The following MAPKAP1 variants were observed in gnomAD, a reference collection of about 807,000 sequenced individuals.
MAPKAP1 encodes the protein target of rapamycin complex 2 subunit MAPKAP1.
A neutral mutation model predicts 65.7 loss-of-function variants in MAPKAP1; 20 were observed. The ratio of observed to expected loss-of-function variants is 0.30; its 90% CI spans 0.21 to 0.44. MAPKAP1 has a LOEUF of 0.44. Ranked by LOEUF, MAPKAP1 falls within the 20% of genes least tolerant of loss-of-function variation. The pLI, the probability that MAPKAP1 is intolerant of heterozygous loss-of-function variation, is 1.00. For missense variants in MAPKAP1, 423 were observed against 648.0 expected, an observed-to-expected ratio of 0.65 and a Z score of 3.77; for synonymous variants, 222 against 244.3, an observed-to-expected ratio of 0.91 and a Z score of 0.85.
intron 4 of MAPKAP1, among the ~76,000 whole-genome samples, chr9:125,606,234 C>T (rs940145640): frequency 2.0e-5 from 3 of 150,258 alleles, no homozygotes; most frequent in East Asian, 1.9e-4. Flanking sequence ...CATAGGGAGG[C>T]GGGGGGAAGA....
intron 4 of MAPKAP1, among the ~76,000 whole-genome samples, chr9:125,608,297 C>A (rs1397105170): frequency 6.6e-6 from 1 of 152,166 alleles, no homozygotes; most frequent in African/African-American, 2.4e-5. Flanking sequence ...TTAGTCTGAT[C>A]ATTTATTTAT....
chr9:125,569,823 G>A (rs1274905320), intron 5 of MAPKAP1, among the ~76,000 whole-genome samples: 1 of 152,176 alleles, frequency 6.6e-6, no homozygotes, highest in African/African-American at 2.4e-5. Flanking sequence ...TGTGTGTAAT[G>A]CTTATATAAA....
chr9:125,543,122 C>A lies in MAPKAP1; in HGVS notation c.895G>T (p.Val299Phe). The A allele has an allele frequency of 1.9e-6, 3 of 1,614,042 alleles. No homozygotes were observed. Among genetic ancestry groups the A allele is most frequent in the Non-Finnish European group, 1.7e-6 (2 of 1,179,884 alleles). The change falls in exon 7 of 12, where the codon GTT (valine) becomes TTT (phenylalanine). Residue 299 changes from valine to phenylalanine, a missense_variant. Physicochemically the swap from Val to Phe is conservative, Grantham distance 50. Coordinates refer to ENST00000265960, the MANE Select transcript of MAPKAP1 (RefSeq NM_001006617.3). ...FSLIQVDNTK[V>F]TMKEILLKAV... ...TTCAGTAAGATTTCCTTCATGGTAA[C>A]CTTTGTGTTGTCCACCTGAATAAGG...
intron 6 of MAPKAP1, among the ~76,000 whole-genome samples, chr9:125,547,715 T>C (rs1010387443): frequency 6.6e-6 from 1 of 152,152 alleles, no homozygotes; most frequent in Non-Finnish European, 1.5e-5. Flanking sequence ...CATTAAAATG[T>C]GTGATTTGTT....
rs2150187 is a variant in MAPKAP1, at chr9:125,626,887, C to T, written c.498+30764G>A. On this transcript the variant is annotated intron_variant, in intron 4 of 11. Coordinates refer to ENST00000265960, the MANE Select transcript of MAPKAP1 (RefSeq NM_001006617.3). ...TAGAAGATTTATGATGTGTCAGCCA[C>T]TATGCAAGAGGCTTATGTATCTAAT... 7.8e-3 allele frequency among the ~76,000 whole-genome samples: 1,183 copies of T among 152,300 alleles called. 61 individuals are homozygous for T. Among genetic ancestry groups the T allele is most frequent in the Admixed American group, 0.07 (1,071 of 15,300 alleles).
chr9:125,588,768 G>A (rs371955348), intron 4 of MAPKAP1, among the ~76,000 whole-genome samples: 6 of 151,956 alleles, frequency 3.9e-5, no homozygotes, highest in African/African-American at 1.2e-4. Context: ...AAATTCCTTC[G>A]ATGAGTGGCT....
chr9:125,465,027 C>A (rs1350239806), intron 10 of MAPKAP1, among the ~76,000 whole-genome samples: 1 of 152,194 alleles, frequency 6.6e-6, no homozygotes, highest in Non-Finnish European at 1.5e-5. Context: ...CACTTAATGT[C>A]TTTTTGTAAA....
intron 9 of MAPKAP1, among the ~76,000 whole-genome samples, chr9:125,481,408 T>C (rs776474054): frequency 9.2e-5 from 14 of 152,156 alleles, no homozygotes; most frequent in Non-Finnish European, 2.1e-4. Context: ...TTGACCACAG[T>C]TGGGCTACTT....
At chr9:125,517,963 T>C (rs1300369189) in intron 7 of MAPKAP1, among the ~76,000 whole-genome samples, 2 of 152,148 alleles carry the variant, frequency 1.3e-5, no homozygotes, top group Non-Finnish European at 2.9e-5. Flanking sequence ...GGTGGGAGGC[T>C]TTCAAAAAAA....
intron 1 of MAPKAP1, among the ~76,000 whole-genome samples, chr9:125,677,698 A>G (rs760231074): frequency 1.3e-5 from 2 of 152,060 alleles, no homozygotes; most frequent in African/African-American, 2.4e-5. Flanking sequence ...TGTCTCAAAA[A>G]TAATAATAAT....
intron 4 of MAPKAP1, among the ~76,000 whole-genome samples, chr9:125,651,104 T>G (rs1295947157): frequency 6.6e-6 from 1 of 151,924 alleles, no homozygotes; most frequent in African/African-American, 2.4e-5. Context: ...CATGCTGGGG[T>G]TACAGGCATG....
At chr9:125,486,782 C>G (rs1283855857) in intron 8 of MAPKAP1, among the ~76,000 whole-genome samples, 2 of 152,054 alleles carry the variant, frequency 1.3e-5, no homozygotes, top group African/African-American at 4.8e-5. Flanking sequence ...GTCCTCTCTG[C>G]CCAGGTCACC....
In MAPKAP1 at chr9:125,444,491, G is replaced by T. The variant is rs747793582; in HGVS notation, c.1443+10C>A. 1.9e-6 allele frequency: 3 copies of T among 1,601,738 alleles called. No homozygotes were observed. Among genetic ancestry groups the T allele is most frequent in the Admixed American group, 1.7e-5 (1 of 59,440 alleles). ...CCTACCCTGTCTCTGGTTCAAGAAG[G>T]AATACTCACCTTGAGCACAATTTCA... is the stretch of plus-strand genomic sequence containing the variant. On this transcript the variant is annotated intron_variant, in intron 11 of 11. Transcript: ENST00000265960.
intron 8 of MAPKAP1, among the ~76,000 whole-genome samples, chr9:125,498,272 G>C (rs1035804372): frequency 2.8e-4 from 42 of 152,166 alleles, no homozygotes; most frequent in Non-Finnish European, 4.1e-4. Context: ...AGCATATAAA[G>C]ACAATTGTAA....
chr9:125,698,217 GTA>G (rs934250669), intron 1 of MAPKAP1, among the ~76,000 whole-genome samples: 8 of 134,334 alleles, frequency 6.0e-5, no homozygotes, highest in Middle Eastern at 4.2e-3. Context: ...ATATGTGTGT[GTA>G]TATATATATT....
chr9:125,463,125 G>A (rs917281450), intron 10 of MAPKAP1, among the ~76,000 whole-genome samples: 25 of 152,160 alleles, frequency 1.6e-4, no homozygotes, highest in African/African-American at 5.5e-4. Context: ...ATGCAGAACC[G>A]CTCGATAGCA....
intron 6 of MAPKAP1, among the ~76,000 whole-genome samples, chr9:125,550,613 G>A (rs75845520): frequency 2.0e-5 from 3 of 152,292 alleles, no homozygotes; most frequent in East Asian, 3.9e-4. Context: ...TGTAATTAAT[G>A]CTTTCCATCT....
Position 125,484,386 on chromosome 9 carries a change from A to G in MAPKAP1, c.1207+57T>C, listed in dbSNP as rs1854420818. On this transcript the variant is annotated intron_variant, in intron 9 of 11. Transcript: ENST00000265960. ...AAAGTTGTATGTTGTTTCTTTCCCC[A>G]TTTCTACACCGACTGCTGACACGAC... 3.3e-6 allele frequency: 5 copies of G among 1,522,592 alleles called. No individual in the cohort carries two copies. In the African/African-American group the frequency reaches 4.1e-5, roughly 13 times the overall value. 94.3% of individuals were successfully genotyped at this position (1,522,592 alleles called of 1,614,324 possible).
At position 125,703,562 on chromosome 9, in the gene MAPKAP1, A is replaced by C. The variant is rs528360937; in HGVS notation, c.-70+3409T>G. ...CGAGGCAGGCAGATCACTTGAGGTC[A>C]GGAGTTTGAGACCAGCCTGGCCAAC... On this transcript the variant is annotated intron_variant, in intron 1 of 11. Transcript: ENST00000265960. Among the ~76,000 whole-genome samples, 3 of 152,304 alleles carry C rather than the reference A, an allele frequency of 2.0e-5. 1 individual carries two copies. In the South Asian group the frequency reaches 6.2e-4, roughly 32 times the overall value.
Sources: allele counts gnomAD v4.1 joint callset (sites outside exome capture counted in the v4.1 genomes callset), GRCh38; gene constraint gnomAD v4.1.1; transcripts MANE v1.5; gene names NCBI Gene and HGNC (gene_info 2026-07-23, HGNC 2026-07-21).